Variants in PRELID2 observed in about 807,000 individuals in gnomAD.
PRELID2 encodes PRELI domain containing 2, also known as PRELI domain-containing protein 2.
PRELID2 carries 25 observed loss-of-function variants against 28.4 expected under a neutral mutation model. The observed-to-expected ratio is 0.88, with a 90% CI of 0.64 to 1.23. The LOEUF (loss-of-function observed/expected upper bound fraction) is 1.23. Among genes scored for constraint, PRELID2 ranks in the 50% most tolerant of loss-of-function variants. The pLI is 0.00. For synonymous variants in PRELID2, 76 were observed against 71.6 expected, an observed-to-expected ratio of 1.06 and a Z score of -0.31; for missense variants, 201 against 214.4, an observed-to-expected ratio of 0.94 and a Z score of 0.39.
At chr5:145,720,147 C>A (rs1581096393) in intron 1 of PRELID2, among the ~76,000 whole-genome samples, 1 of 151,498 alleles carries the variant, frequency 6.6e-6, no homozygotes, top group Non-Finnish European at 1.5e-5. Context: ...ATTGAACTCT[C>A]TGAAAAAGAA....
chr5:145,301,059 T>G, the PRELID2 span, among the ~76,000 whole-genome samples: 3 of 152,098 alleles, frequency 2.0e-5, no homozygotes, highest in Non-Finnish European at 4.4e-5. Context: ...TGCCTAACAA[T>G]ATATCCAAAA....
chr5:145,749,188 G>T (rs1757068387), intron 1 of PRELID2, among the ~76,000 whole-genome samples: 1 of 152,056 alleles, frequency 6.6e-6, no homozygotes, highest in Non-Finnish European at 1.5e-5. Context: ...GAGGCAACCT[G>T]CAAAATGGGA....
the PRELID2 span, among the ~76,000 whole-genome samples, chr5:145,307,295 A>T: frequency 6.6e-6 from 1 of 152,208 alleles, no homozygotes; most frequent in Non-Finnish European, 1.5e-5. Context: ...GCCGAAGCCC[A>T]GTCCTCACCC....
chr5:145,659,462 A>G (rs1754452163), intron 1 of PRELID2, among the ~76,000 whole-genome samples: 1 of 152,234 alleles, frequency 6.6e-6, no homozygotes, highest in Non-Finnish European at 1.5e-5. Context: ...GTGTTCAACA[A>G]ATGTTAGCTA....
chr5:145,835,321 A>C lies in PRELID2; in HGVS notation c.-70T>G. The C allele has an allele frequency of 1.2e-5, 12 of 1,034,414 alleles. No individual in the cohort carries two copies. Among genetic ancestry groups the C allele is most frequent in the Non-Finnish European group, 1.7e-5 (12 of 706,738 alleles). The allele number at this position is 1,034,414 out of a possible 1,614,324, so 64.1% of individuals were successfully genotyped here. ...CTCAGAGCTGCCCAGGGCTCCGCAG[A>C]GGCCCGGAGGCGCCCACACTCGGAC... On this transcript the variant is annotated 5_prime_UTR_variant, in exon 1 of 7. Coordinates refer to ENST00000683046, the MANE Select transcript of PRELID2 (RefSeq NM_205846.3).
Position 145,708,988 on chromosome 5 carries a change from T to C in PRELID2, n.70+55943A>G, listed in dbSNP as rs1383755629. Among the ~76,000 whole-genome samples the C allele has an allele frequency of 2.0e-5, 3 of 152,320 alleles. No individual in the cohort carries two copies. In the East Asian group the frequency reaches 5.8e-4, roughly 29 times the overall value. On this transcript the variant is annotated intron_variant and non_coding_transcript_variant, in intron 1 of 2. Coordinates refer to the PRELID2 transcript ENST00000510259. ...AACTACACAAAGGTTGTGAGATGCATGAGCTTTGCTGTGGCAAGCACCTGG... is the reference window on the plus strand; with the variant it reads ...AACTACACAAAGGTTGTGAGATGCACGAGCTTTGCTGTGGCAAGCACCTGG...
At chr5:145,729,021 T>C in intron 1 of PRELID2, 4 of 686,596 alleles carry the variant, frequency 5.8e-6, no homozygotes, top group South Asian at 5.0e-5. Flanking sequence ...CAAAGTAACA[T>C]TGGGAGATAA....
At chr5:145,661,209 T>C (rs1754486456) in intron 1 of PRELID2, among the ~76,000 whole-genome samples, 1 of 152,164 alleles carries the variant, frequency 6.6e-6, no homozygotes, top group Admixed American at 6.5e-5. Flanking sequence ...TTCCAACAAA[T>C]GTTTGAGGAA....
At chr5:145,234,531 A>T in the PRELID2 span, among the ~76,000 whole-genome samples, 1 of 152,068 alleles carries the variant, frequency 6.6e-6, no homozygotes, top group Non-Finnish European at 1.5e-5. Context: ...GTTGCATTCT[A>T]AACATGTCTG....
At position 145,640,455 on chromosome 5, in the gene PRELID2, G is replaced by A. The variant is rs374386184; in HGVS notation, n.70+124476C>T. Among the ~76,000 whole-genome samples, 85 of 99,094 alleles carry A rather than the reference G, an allele frequency of 8.6e-4. No homozygotes were observed. In the East Asian group the frequency reaches 0.018, roughly 21 times the overall value. 65.0% of individuals were successfully genotyped at this position (99,094 alleles called of 152,430 possible). A position where few individuals can be genotyped will look rare whatever the true frequency, so the allele number is the denominator to read the frequency against. ...CGCGCCACTGCACTCCAGCCTGGGC[G>A]ACAGAGCGAGACTCCGTCTCAAAAA... On this transcript the variant is annotated intron_variant and non_coding_transcript_variant, in intron 1 of 2. Coordinates refer to the PRELID2 transcript ENST00000510259.
the PRELID2 span, among the ~76,000 whole-genome samples, chr5:145,285,596 C>T: frequency 6.6e-6 from 1 of 152,082 alleles, no homozygotes; most frequent in East Asian, 1.9e-4. Context: ...AAAACAAAAT[C>T]ATTTTAAGTG....
At chr5:145,415,225 G>A in the PRELID2 span, among the ~76,000 whole-genome samples, 10 of 151,998 alleles carry the variant, frequency 6.6e-5, no homozygotes, top group South Asian at 2.1e-3. Flanking sequence ...GTTCCTGAAT[G>A]ACTCTTTTTT....
At chr5:145,324,270 A>G in the PRELID2 span, among the ~76,000 whole-genome samples, 1 of 151,950 alleles carries the variant, frequency 6.6e-6, no homozygotes, top group Non-Finnish European at 1.5e-5. Context: ...TCCTTTCACA[A>G]CTCCCAGCCT....
At chr5:145,447,853 T>A in the PRELID2 span, among the ~76,000 whole-genome samples, 1 of 146,370 alleles carries the variant, frequency 6.8e-6, no homozygotes, top group Non-Finnish European at 1.5e-5. Flanking sequence ...TGCCACATTT[T>A]CTTAATCCAG....
chr5:145,759,932 T>C lies in PRELID2; in HGVS notation c.*604A>G, dbSNP rs918453632. The C allele has an allele frequency of 2.0e-5, 3 of 152,282 alleles. No homozygotes were observed. Among genetic ancestry groups the C allele is most frequent in the East Asian group, 1.9e-4 (1 of 5,180 alleles). The allele number at this position is 152,282 out of a possible 1,614,324, so 9.4% of individuals were successfully genotyped here. A position where few individuals can be genotyped will look rare whatever the true frequency, so the allele number is the denominator to read the frequency against. On this transcript the variant is annotated 3_prime_UTR_variant, in exon 7 of 7. Coordinates refer to ENST00000683046, the MANE Select transcript of PRELID2 (RefSeq NM_205846.3). ...TTTACATATTACATTCTAAAAGCTA[T>C]ACTTATGGCAGTTACATATTACTTA...
chr5:145,791,369 T>C (rs1159251176), intron 5 of PRELID2, among the ~76,000 whole-genome samples: 1 of 152,086 alleles, frequency 6.6e-6, no homozygotes, highest in Non-Finnish European at 1.5e-5. Flanking sequence ...ATGTGATATA[T>C]ACAAACAAGG....
At chr5:145,610,999 A>T (rs1258160831) in intron 1 of PRELID2, among the ~76,000 whole-genome samples, 1 of 148,188 alleles carries the variant, frequency 6.7e-6, no homozygotes, top group Non-Finnish European at 1.5e-5. Context: ...ATAAATTAAT[A>T]TATAATAAAT....
the PRELID2 span, among the ~76,000 whole-genome samples, chr5:145,298,268 A>C: frequency 6.6e-6 from 1 of 152,218 alleles, no homozygotes; most frequent in African/African-American, 2.4e-5. Flanking sequence ...GTACCAAAAC[A>C]GAGATACAGA....
chr5:145,325,626 A>C, the PRELID2 span, among the ~76,000 whole-genome samples: 16 of 152,184 alleles, frequency 1.1e-4, no homozygotes, highest in African/African-American at 3.4e-4. Context: ...TTAAAGTTAA[A>C]AGACATTACA....
Sources: allele counts gnomAD v4.1 joint callset (sites outside exome capture counted in the v4.1 genomes callset), GRCh38; gene constraint gnomAD v4.1.1; transcripts MANE v1.5; gene names NCBI Gene and HGNC (gene_info 2026-07-23, HGNC 2026-07-21).